Variants in PRKCA observed in about 807,000 individuals in gnomAD.
PRKCA encodes the protein protein kinase C alpha.
A neutral mutation model predicts 87.0 loss-of-function variants in PRKCA; 27 were observed. The observed-to-expected ratio is 0.31, with a 90% CI of 0.23 to 0.43. The LOEUF is 0.43. PRKCA is among the 20% of genes least tolerant of loss of function. The pLI, the probability that PRKCA is intolerant of heterozygous loss-of-function variation, is 1.00. For missense variants in PRKCA, 518 were observed against 852.3 expected (o/e 0.61, Z 4.88); for synonymous variants, 329 against 311.1 (o/e 1.06, Z -0.61).
At chr17:66,773,879 T>C in intron 13 of PRKCA, 108 bp from the exon 14 acceptor site, 2 of 1,535,472 alleles carry the variant, frequency 1.3e-6, no homozygotes, top group Non-Finnish European at 8.9e-7. Flanking sequence ...TCTTAGCACC[T>C]CATCTGCATG....
intron 8 of PRKCA, among the ~76,000 whole-genome samples, chr17:66,693,843 T>A (rs1376486497): frequency 3.3e-5 from 5 of 152,178 alleles, no homozygotes; most frequent in Admixed American, 6.5e-5. Context: ...CAATAACACG[T>A]TACTTACAAA....
rs549500246 is a variant in PRKCA at position 66,330,851 on chromosome 17, C to A, written c.205+24724C>A. ...AGTAATGAGATTTATGGGTTCTGGC[C>A]CTGCAGGGATCCCAGTAGGGATGAA... On this transcript the variant is annotated intron_variant, in intron 2 of 16. Coordinates refer to ENST00000413366, the MANE Select transcript of PRKCA (RefSeq NM_002737.3). Among the ~76,000 whole-genome samples, 11 of 152,222 alleles carry A rather than the reference C, an allele frequency of 7.2e-5. No homozygotes were observed. In the South Asian group the frequency reaches 2.3e-3, roughly 32 times the overall value.
At chr17:66,324,911 A>G (rs1302771559) in intron 2 of PRKCA, among the ~76,000 whole-genome samples, 2 of 152,212 alleles carry the variant, frequency 1.3e-5, no homozygotes, top group Non-Finnish European at 2.9e-5. Flanking sequence ...TGGAACTGAC[A>G]TGGGAGACAA....
At chr17:66,522,459 C>T (rs921695410) in intron 3 of PRKCA, among the ~76,000 whole-genome samples, 20 of 152,174 alleles carry the variant, frequency 1.3e-4, no homozygotes, top group African/African-American at 4.6e-4. Flanking sequence ...GGACAGTAAT[C>T]GAAGTAGGAG....
intron 3 of PRKCA, among the ~76,000 whole-genome samples, chr17:66,541,416 T>C (rs998708968): frequency 2.2e-4 from 34 of 152,220 alleles, no homozygotes; most frequent in Non-Finnish European, 2.4e-4. Flanking sequence ...TTTATTGTTT[T>C]TTTCCTCTGT....
At chr17:66,765,448 A>C (rs1220321213) in intron 13 of PRKCA, among the ~76,000 whole-genome samples, 46 of 138,342 alleles carry the variant, frequency 3.3e-4, no homozygotes, top group Non-Finnish European at 4.2e-4. Flanking sequence ...ATATATATAT[A>C]TATATATCCA....
intron 3 of PRKCA, among the ~76,000 whole-genome samples, chr17:66,640,654 C>T (rs17760398): frequency 0.053 from 8,119 of 152,188 alleles, 288 homozygotes; most frequent in Admixed American, 0.078. Context: ...AGGGTTGTTC[C>T]GTTCACTTCA....
intron 13 of PRKCA, among the ~76,000 whole-genome samples, chr17:66,759,515 AAG>A (rs1459078118): frequency 1.3e-5 from 2 of 148,836 alleles, no homozygotes; most frequent in Non-Finnish European, 3.0e-5. Flanking sequence ...GAGGCAGAAA[AAG>A]AGTGGGAGAC....
At chr17:66,556,996 G>C (rs1214807877) in intron 3 of PRKCA, among the ~76,000 whole-genome samples, 1 of 152,154 alleles carries the variant, frequency 6.6e-6, no homozygotes, top group Non-Finnish European at 1.5e-5. Context: ...GAGCAAATTT[G>C]CCAGCAGTTT....
chr17:66,710,551 T>A (rs1973298357), intron 8 of PRKCA, among the ~76,000 whole-genome samples: 1 of 152,106 alleles, frequency 6.6e-6, no homozygotes, highest in Admixed American at 6.5e-5. Context: ...GGCCTCAGCC[T>A]GCAGCCATGC....
intron 3 of PRKCA, among the ~76,000 whole-genome samples, chr17:66,560,410 C>CA (rs146561580): frequency 6.6e-6 from 1 of 152,184 alleles, no homozygotes; most frequent in Non-Finnish European, 1.5e-5. Flanking sequence ...CAGGAAAGCA[C>CA]AAAAAATTGT....
At chr17:66,585,223 G>A (rs1748186009) in intron 3 of PRKCA, among the ~76,000 whole-genome samples, 2 of 152,150 alleles carry the variant, frequency 1.3e-5, no homozygotes, top group Non-Finnish European at 2.9e-5. Context: ...TCTCTACCTG[G>A]CCAGCGCCAT....
intron 2 of PRKCA, among the ~76,000 whole-genome samples, chr17:66,319,312 TA>T (rs933643267): frequency 6.6e-6 from 1 of 152,244 alleles, no homozygotes; most frequent in Non-Finnish European, 1.5e-5. Flanking sequence ...TTATTTAAAG[TA>T]AACTCTGGAA....
At chr17:66,419,676 C>T (rs1912374644) in intron 2 of PRKCA, among the ~76,000 whole-genome samples, 1 of 151,982 alleles carries the variant, frequency 6.6e-6, no homozygotes, top group Admixed American at 6.6e-5. Context: ...TTTTACTAAC[C>T]AGAATTAAAC....
At chr17:66,577,993 G>T (rs1321661716) in intron 3 of PRKCA, among the ~76,000 whole-genome samples, 1 of 152,098 alleles carries the variant, frequency 6.6e-6, no homozygotes, top group Non-Finnish European at 1.5e-5. Context: ...CAGCCAGAGT[G>T]CAGGGTTTGT....
At chr17:66,567,224 A>G (rs1968930423) in intron 3 of PRKCA, among the ~76,000 whole-genome samples, 1 of 152,160 alleles carries the variant, frequency 6.6e-6, no homozygotes, top group Non-Finnish European at 1.5e-5. Flanking sequence ...TAATTTCTCT[A>G]AGTATGAAAT....
intron 13 of PRKCA, among the ~76,000 whole-genome samples, chr17:66,773,619 G>T (rs1209805542): frequency 6.6e-6 from 1 of 151,296 alleles, no homozygotes; most frequent in Non-Finnish European, 1.5e-5. Flanking sequence ...CTCCCAAAGT[G>T]CTGGGATTAG....
intron 2 of PRKCA, among the ~76,000 whole-genome samples, chr17:66,391,418 CT>C (rs1910350591): frequency 6.6e-6 from 1 of 152,170 alleles, no homozygotes; most frequent in Admixed American, 6.5e-5. Flanking sequence ...ATCCAAATGC[CT>C]TATGGCATCT....
intron 2 of PRKCA, among the ~76,000 whole-genome samples, chr17:66,321,618 A>G (rs545756631): frequency 1.1e-4 from 16 of 152,270 alleles, no homozygotes; most frequent in Admixed American, 7.8e-4. Flanking sequence ...ATCTCTGCTC[A>G]CTACAACCTC....
Sources: allele counts gnomAD v4.1 joint callset (sites outside exome capture counted in the v4.1 genomes callset), GRCh38; gene constraint gnomAD v4.1.1; transcripts MANE v1.5; gene names NCBI Gene and HGNC (gene_info 2026-07-23, HGNC 2026-07-21).